HMGB1: variants seen among roughly 807,000 people sequenced by gnomAD.
HMGB1 encodes high mobility group box 1, also known as high mobility group protein B1.
For missense variants in HMGB1, 79 were observed against 253.5 expected (o/e 0.31, Z 4.67); for synonymous variants, 81 against 84.0 (o/e 0.96, Z 0.19).
intron 1 of HMGB1, among the ~76,000 whole-genome samples, chr13:30,465,498 T>TA (rs893264602): frequency 4.1e-5 from 6 of 147,974 alleles, no homozygotes; most frequent in Admixed American, 2.0e-4. Flanking sequence ...TTTTTTTAAT[T>TA]AAAAAAAAAA....
chr13:30,583,386 AGCTGGGCATGGTGGT>A (rs1387410137), intron 1 of HMGB1, among the ~76,000 whole-genome samples: 2 of 151,866 alleles, frequency 1.3e-5, no homozygotes, highest in Non-Finnish European at 2.9e-5. Flanking sequence ...TACAAGAATT[AGCTGGGCATGGTGGT>A]GCACCTATAG....
chr13:30,554,521 T>C (rs1869589513), intron 1 of HMGB1: 2 of 918,012 alleles, frequency 2.2e-6, no homozygotes, highest in Non-Finnish European at 1.8e-6. Flanking sequence ...TAGATTCTAG[T>C]ATACAGAAAC....
chr13:30,584,544 C>G (rs1015218034), intron 1 of HMGB1, among the ~76,000 whole-genome samples: 12 of 152,154 alleles, frequency 7.9e-5, no homozygotes, highest in African/African-American at 2.7e-4. Context: ...CCTGTATCAT[C>G]AGCACCTAAG....
chr13:30,497,445 G>GTT (rs386378693), intron 1 of HMGB1, among the ~76,000 whole-genome samples: 95 of 147,662 alleles, frequency 6.4e-4, no homozygotes, highest in African/African-American at 8.5e-4. Context: ...TGGCCAGGCT[G>GTT]TTTTTTTTTT....
chr13:30,476,063 C>T (rs921124562), intron 1 of HMGB1, among the ~76,000 whole-genome samples: 5 of 151,230 alleles, frequency 3.3e-5, no homozygotes, highest in African/African-American at 1.2e-4. Context: ...ATCATACAAA[C>T]CATAGAGTGG....
intron 1 of HMGB1, among the ~76,000 whole-genome samples, chr13:30,558,858 C>T (rs1869809962): frequency 6.6e-6 from 1 of 152,100 alleles, no homozygotes; most frequent in South Asian, 2.1e-4. Context: ...GGGAGTAGGG[C>T]CGAGAAATGA....
At chr13:30,558,847 T>C (rs1869809498) in intron 1 of HMGB1, among the ~76,000 whole-genome samples, 1 of 152,144 alleles carries the variant, frequency 6.6e-6, no homozygotes, top group South Asian at 2.1e-4. Context: ...TCAGAAACTC[T>C]GGGAGTAGGG....
chr13:30,490,624 A>G (rs1887467906), intron 1 of HMGB1, among the ~76,000 whole-genome samples: 1 of 150,362 alleles, frequency 6.7e-6, no homozygotes, highest in African/African-American at 2.5e-5. Flanking sequence ...CTGAACAGAA[A>G]AAAAAAAAAA....
intron 1 of HMGB1, among the ~76,000 whole-genome samples, chr13:30,505,515 T>C (rs1274340522): frequency 6.6e-6 from 1 of 152,000 alleles, no homozygotes; most frequent in East Asian, 1.9e-4. Flanking sequence ...TTCACCATAT[T>C]GGTTAGGCTG....
chr13:30,561,587 G>A lies in HMGB1; in HGVS notation c.-15+55084C>T, dbSNP rs112904925. On this transcript the variant is annotated intron_variant, in intron 1 of 4. Coordinates refer to the HMGB1 transcript ENST00000405805. ...AAAAAGTCAGTGAAGTAGTAGGAAC[G>A]ATGACAGATGACACTGGGTTGAAGA... Among the ~76,000 whole-genome samples the A allele has an allele frequency of 9.1e-3, 1,388 of 152,236 alleles. 18 individuals are homozygous for A. Among genetic ancestry groups the A allele is most frequent in the African/African-American group, 0.031 (1,297 of 41,524 alleles).
At chr13:30,602,978 A>AT (rs918578784) in intron 1 of HMGB1, among the ~76,000 whole-genome samples, 2 of 151,932 alleles carry the variant, frequency 1.3e-5, no homozygotes, top group South Asian at 2.1e-4. Context: ...TTAATTTTGT[A>AT]TTTTTTTGGT....
chr13:30,538,498 C>CTTTCTTTA lies in HMGB1; in HGVS notation c.-14-74805_-14-74804insTAAAGAAA, dbSNP rs1359391846. ...TCTTTCTTTCTTTCTTTCTTTCTTT[C>CTTTCTTTA]TTTCTTTCTTTCCTTTCTTTCTTTC... On this transcript the variant is annotated intron_variant, in intron 1 of 4. Transcript: ENST00000405805. Among the ~76,000 whole-genome samples, 14 of 15,798 alleles carry CTTTCTTTA rather than the reference C, an allele frequency of 8.9e-4. 1 individual carries two copies. Among genetic ancestry groups the CTTTCTTTA allele is most frequent in the African/African-American group, 1.5e-3 (14 of 9,620 alleles). 10.4% of individuals were successfully genotyped at this position (15,798 alleles called of 152,430 possible). A position where few individuals can be genotyped will look rare whatever the true frequency, so the allele number is the denominator to read the frequency against.
At chr13:30,512,485 A>G (rs1004933399) in intron 1 of HMGB1, among the ~76,000 whole-genome samples, 4 of 152,206 alleles carry the variant, frequency 2.6e-5, no homozygotes, top group African/African-American at 9.6e-5. Flanking sequence ...TCACCTAACA[A>G]TGCCCTTCAG....
At chr13:30,549,131 T>C (rs1391240693) in intron 1 of HMGB1, among the ~76,000 whole-genome samples, 1 of 151,874 alleles carries the variant, frequency 6.6e-6, no homozygotes, top group Admixed American at 6.6e-5. Flanking sequence ...ACCCCATCTC[T>C]ACAAAAAATA....
chr13:30,552,421 C>A lies in HMGB1; in HGVS notation c.-15+64250G>T, dbSNP rs549154408. 6.6e-5 allele frequency among the ~76,000 whole-genome samples: 10 copies of A among 152,162 alleles called. No individual in the cohort carries two copies. The South Asian group carries it at 2.1e-3, about 32-fold the overall frequency. The stretch of plus-strand genomic sequence containing the variant: ...ATTTAATTTGAATATAGAGTTGATG[C>A]TCATATTTCTCCTCAGTTGGCTGAC... On this transcript the variant is annotated intron_variant, in intron 1 of 4. Coordinates refer to the HMGB1 transcript ENST00000405805.
rs141415958 is a variant in HMGB1, at chr13:30,531,708, T to G, written c.-14-68014A>C. Among the ~76,000 whole-genome samples the G allele has an allele frequency of 7.3e-3, 1,110 of 151,584 alleles. 13 individuals are homozygous for G. The highest frequency in any genetic ancestry group is 0.022 in the African/African-American group (890 of 41,292). ...TGAGGTCAGGAGTTCAAGACCAGCT[T>G]GACCAACATGGTGAAACTCTACTAC... On this transcript the variant is annotated intron_variant, in intron 1 of 4. Coordinates refer to the HMGB1 transcript ENST00000405805.
intron 1 of HMGB1, among the ~76,000 whole-genome samples, chr13:30,506,486 T>C (rs890868421): frequency 6.6e-5 from 10 of 152,182 alleles, no homozygotes; most frequent in African/African-American, 2.4e-4. Flanking sequence ...CCCCAGCCTG[T>C]AGTCCCATCT....
chr13:30,531,530 GT>G (rs1888494875), intron 1 of HMGB1, among the ~76,000 whole-genome samples: 1 of 150,614 alleles, frequency 6.6e-6, no homozygotes, highest in East Asian at 1.9e-4. Flanking sequence ...GTGTGTGTGT[GT>G]GTGTGTGTGT....
chr13:30,480,637 G>A (rs546773344), intron 1 of HMGB1, among the ~76,000 whole-genome samples: 1 of 152,266 alleles, frequency 6.6e-6, no homozygotes, highest in Admixed American at 6.5e-5. Flanking sequence ...ACTCAGAGAA[G>A]GAGAGCCAGG....
Sources: gnomAD v4.1 joint callset for allele counts (sites outside exome capture counted in the v4.1 genomes callset) on GRCh38, gnomAD v4.1.1 for gene constraint, MANE v1.5 for transcripts, NCBI Gene and HGNC (gene_info 2026-07-23, HGNC 2026-07-21) for gene names.